PLPP1: variants seen among roughly 807,000 people sequenced by gnomAD.
PLPP1 encodes the protein lipid phosphate phosphohydrolase 1a.
PLPP1 carries 24 observed loss-of-function variants against 31.2 expected under a neutral mutation model. The observed-to-expected ratio is 0.77, with a 90% CI of 0.56 to 1.08. The LOEUF (loss-of-function observed/expected upper bound fraction) is 1.08, where lower values mean the gene tolerates loss of function less well. PLPP1 is among the 50% of genes least tolerant of loss of function. The probability of loss-of-function intolerance (pLI) is 0.00; values close to 1 mark genes in which losing one functional copy is unlikely to be tolerated. For synonymous variants in PLPP1, 146 were observed against 126.3 expected, an observed-to-expected ratio of 1.16 and a Z score of -1.05; for missense variants, 319 against 342.7, an observed-to-expected ratio of 0.93 and a Z score of 0.55.
chr5:55,511,986 G>A (rs542362551), intron 1 of PLPP1, among the ~76,000 whole-genome samples: 187 of 151,720 alleles, frequency 1.2e-3, no homozygotes, highest in African/African-American at 4.4e-3. Context: ...TTAGCTGGGC[G>A]TGGTGGCAGG....
At chr5:55,501,924 A>G (rs1397186611) in intron 1 of PLPP1, among the ~76,000 whole-genome samples, 2 of 152,252 alleles carry the variant, frequency 1.3e-5, no homozygotes, top group African/African-American at 2.4e-5. Context: ...AATACAAGCC[A>G]TAACAGTGCT....
rs896144046 is a variant in PLPP1, at chr5:55,490,337, A to G, written c.59-14887T>C. ...GGCTAATTCTTTATTTTTAGTAGAG[A>G]CTAGGTTTCTCCATGTTGGTCAGGC... On this transcript the variant is annotated intron_variant, in intron 1 of 5. Transcript: ENST00000307259. 6.6e-5 allele frequency among the ~76,000 whole-genome samples: 10 copies of G among 151,654 alleles called. No homozygotes were observed. The East Asian group carries it at 2.0e-3, about 30-fold the overall frequency.
At chr5:55,487,202 A>C (rs938223785) in intron 1 of PLPP1, among the ~76,000 whole-genome samples, 1 of 152,178 alleles carries the variant, frequency 6.6e-6, no homozygotes, top group Non-Finnish European at 1.5e-5. Flanking sequence ...ATTTAGACAA[A>C]GTATATTATT....
chr5:55,425,573 ATTTCTACATGTGAATTAGTTT>A, intron 5 of PLPP1: 1 of 454,252 alleles, frequency 2.2e-6, no homozygotes, highest in Non-Finnish European at 3.7e-6. Context: ...TAAAAGAGTT[ATTTCTACATGTGAATTAGTTT>A]TTTCAAGTCA....
intron 1 of PLPP1, among the ~76,000 whole-genome samples, chr5:55,500,029 C>T (rs1753101621): frequency 6.7e-6 from 1 of 149,454 alleles, no homozygotes. Context: ...TAAAACCAAG[C>T]AAAATAAGTA....
intron 1 of PLPP1, among the ~76,000 whole-genome samples, chr5:55,483,270 GATTA>G (rs1280006246): frequency 2.0e-5 from 3 of 152,238 alleles, no homozygotes; most frequent in East Asian, 3.9e-4. Flanking sequence ...GTGAAAATCT[GATTA>G]ATCAATGCCA....
At chr5:55,440,275 C>T (rs1275759592) in intron 4 of PLPP1, among the ~76,000 whole-genome samples, 1 of 152,126 alleles carries the variant, frequency 6.6e-6, no homozygotes, top group Non-Finnish European at 1.5e-5. Context: ...ATACAAAGCA[C>T]GCCCACACAT....
intron 4 of PLPP1, among the ~76,000 whole-genome samples, chr5:55,438,058 G>A (rs1203872227): frequency 6.6e-6 from 1 of 152,218 alleles, no homozygotes; most frequent in Non-Finnish European, 1.5e-5. Context: ...GAGTCTGGCT[G>A]AAGCATAGAT....
intron 3 of PLPP1, among the ~76,000 whole-genome samples, chr5:55,459,084 TTTAC>T (rs1752094588): frequency 6.6e-6 from 1 of 151,540 alleles, no homozygotes; most frequent in South Asian, 2.1e-4. Context: ...AGCTAAAAGT[TTTAC>T]TTATAGAAAA....
chr5:55,474,934 TTC>T (rs1164850520), intron 2 of PLPP1, among the ~76,000 whole-genome samples: 2 of 152,156 alleles, frequency 1.3e-5, no homozygotes, highest in African/African-American at 4.8e-5. Flanking sequence ...CGTGTTTTTT[TTC>T]TGTTTTTTTT....
At chr5:55,460,113 A>C (rs571660747) in intron 3 of PLPP1, among the ~76,000 whole-genome samples, 2 of 152,292 alleles carry the variant, frequency 1.3e-5, no homozygotes, top group Admixed American at 1.3e-4. Flanking sequence ...GGGAGTCAAA[A>C]GTTATTATAT....
intron 1 of PLPP1, among the ~76,000 whole-genome samples, chr5:55,500,716 T>C (rs34331493): frequency 0.059 from 8,972 of 152,044 alleles, 477 homozygotes; most frequent in African/African-American, 0.12. Context: ...AAAAAAGCAG[T>C]GTGAAGACAG....
At chr5:55,455,566 C>A (rs1362372663) in intron 3 of PLPP1, among the ~76,000 whole-genome samples, 2 of 152,136 alleles carry the variant, frequency 1.3e-5, no homozygotes, top group Non-Finnish European at 2.9e-5. Flanking sequence ...GGCTGTAGTG[C>A]GCTGTGATCG....
At chr5:55,432,796 G>A (rs1751390020) in intron 4 of PLPP1, among the ~76,000 whole-genome samples, 2 of 51,878 alleles carry the variant, frequency 3.9e-5, no homozygotes, top group African/African-American at 1.1e-4. Context: ...ATCCCTTCAT[G>A]ATTTAAAAAA....
chr5:55,465,781 C>T (rs1752276071), intron 3 of PLPP1, among the ~76,000 whole-genome samples: 1 of 152,146 alleles, frequency 6.6e-6, no homozygotes, highest in African/African-American at 2.4e-5. Flanking sequence ...ATTTGTTCAT[C>T]CCCTCTGTTC....
intron 1 of PLPP1, among the ~76,000 whole-genome samples, chr5:55,492,923 A>G (rs1752925426): frequency 6.6e-6 from 1 of 152,304 alleles, no homozygotes; most frequent in African/African-American, 2.4e-5. Flanking sequence ...GAGACAAGTG[A>G]TCTGGCTAGG....
At position 55,432,344 on chromosome 5, in the gene PLPP1, A is replaced by G. The variant is rs368733810; in HGVS notation, c.550-6305T>C. ...TCTTCCAAGATTCAATCAGGAAGAA[A>G]TAGAAAACCTGAACAGACCAATAAT... On this transcript the variant is annotated intron_variant, in intron 4 of 5. Coordinates refer to ENST00000307259, the MANE Select transcript of PLPP1 (RefSeq NM_003711.4). 5.3e-5 allele frequency among the ~76,000 whole-genome samples: 8 copies of G among 152,278 alleles called. No homozygotes were observed. In the East Asian group the frequency reaches 1.5e-3, roughly 29 times the overall value.
At chr5:55,523,120 T>C (rs980113157) in intron 1 of PLPP1, among the ~76,000 whole-genome samples, 2 of 152,198 alleles carry the variant, frequency 1.3e-5, no homozygotes, top group Non-Finnish European at 2.9e-5. Context: ...ATAGTAAATA[T>C]ACATACATAT....
intron 3 of PLPP1, among the ~76,000 whole-genome samples, chr5:55,448,142 C>A (rs1287692982): frequency 6.6e-6 from 1 of 152,070 alleles, no homozygotes; most frequent in Non-Finnish European, 1.5e-5. Context: ...GTATATTAGT[C>A]ATAGTTTATT....
Sources: gnomAD v4.1 joint callset for allele counts (sites outside exome capture counted in the v4.1 genomes callset) on GRCh38, gnomAD v4.1.1 for gene constraint, MANE v1.5 for transcripts, NCBI Gene and HGNC (gene_info 2026-07-23, HGNC 2026-07-21) for gene names.